Variants in CORO2B observed in about 807,000 individuals in gnomAD.
The protein encoded by CORO2B is coronin-2B.
CORO2B carries 26 observed loss-of-function variants against 58.8 expected under a neutral mutation model. The ratio of observed to expected loss-of-function variants is 0.44; its 90% CI spans 0.32 to 0.61. CORO2B has a LOEUF of 0.61. CORO2B is among the 20% of genes least tolerant of loss of function. The pLI, the probability that CORO2B is intolerant of heterozygous loss-of-function variation, is 0.04. For missense variants in CORO2B, 460 were observed against 645.1 expected (o/e 0.71, Z 3.11); for synonymous variants, 242 against 253.8 (o/e 0.95, Z 0.44).
chr15:68,599,672 C>T (rs1187352295), intron 1 of CORO2B, among the ~76,000 whole-genome samples: 3 of 152,186 alleles, frequency 2.0e-5, no homozygotes, highest in Admixed American at 2.0e-4. Flanking sequence ...GCACTCTCCA[C>T]TGCCCCTCAG....
At chr15:68,595,469 G>C (rs1899803094) in intron 1 of CORO2B, among the ~76,000 whole-genome samples, 1 of 152,240 alleles carries the variant, frequency 6.6e-6, no homozygotes, top group Non-Finnish European at 1.5e-5. Context: ...GAGCCATGCA[G>C]CAGGGCTCAG....
At chr15:68,602,902 G>A (rs967697572) in intron 1 of CORO2B, among the ~76,000 whole-genome samples, 1 of 152,220 alleles carries the variant, frequency 6.6e-6, no homozygotes, top group Non-Finnish European at 1.5e-5. Context: ...GTGTTTCCCT[G>A]GTTGGGATAT....
At chr15:68,698,676 G>A (rs1250659563) in intron 3 of CORO2B, among the ~76,000 whole-genome samples, 1 of 152,172 alleles carries the variant, frequency 6.6e-6, no homozygotes, top group Non-Finnish European at 1.5e-5. Context: ...CATCTGGGTG[G>A]CCAATGGAGT....
At chr15:68,553,259 CAT>C in the CORO2B span, among the ~76,000 whole-genome samples, 1 of 152,192 alleles carries the variant, frequency 6.6e-6, no homozygotes, top group Admixed American at 6.5e-5. Context: ...AGAACTTGCA[CAT>C]GTTACCTGAT....
intron 1 of CORO2B, among the ~76,000 whole-genome samples, chr15:68,607,570 C>T (rs1162086765): frequency 1.3e-5 from 2 of 152,146 alleles, no homozygotes; most frequent in African/African-American, 4.8e-5. Context: ...GTGATCCCAA[C>T]ACTTCAGGAG....
intron 3 of CORO2B, 24 bp downstream of exon 3, chr15:68,695,280 G>T (rs757705679): frequency 6.3e-7 from 1 of 1,584,328 alleles, no homozygotes; most frequent in African/African-American, 1.3e-5. Flanking sequence ...TGCTCCCGGA[G>T]GAGGGTGGGC....
upstream of CORO2B, among the ~76,000 whole-genome samples, chr15:68,576,238 G>A (rs79541700): frequency 1.1e-4 from 17 of 151,458 alleles, no homozygotes; most frequent in East Asian, 3.1e-3. Flanking sequence ...GCCGTGACTG[G>A]GCACAAGGGG....
chr15:68,715,668 G>A (rs1486924433), intron 8 of CORO2B, among the ~76,000 whole-genome samples: 1 of 152,164 alleles, frequency 6.6e-6, no homozygotes, highest in Non-Finnish European at 1.5e-5. Context: ...CCCTTCCTGA[G>A]CCTCTAGGAA....
chr15:68,584,166 C>T (rs1183359096), intron 1 of CORO2B, among the ~76,000 whole-genome samples: 1 of 152,242 alleles, frequency 6.6e-6, no homozygotes, highest in Non-Finnish European at 1.5e-5. Flanking sequence ...GTCCAGTGGG[C>T]ATGAGCCAGG....
At position 68,645,318 on chromosome 15, in the gene CORO2B, G is replaced by T; in HGVS notation, c.174G>T (p.Glu58Asp). 4 of 1,613,124 alleles carry T rather than the reference G, an allele frequency of 2.5e-6. No individual in the cohort carries two copies. Among genetic ancestry groups the T allele is most frequent in the Non-Finnish European group, 1.7e-6 (2 of 1,180,034 alleles). Residue 58 changes from glutamate (E) to aspartate (D), a missense_variant, in exon 2 of 12, where the codon GAG becomes GAT. Transcript: ENST00000261861. This position sits in a 1 kb window ranked among gnomAD's most constrained non-coding sequence, Gnocchi z 4.5. ...CCCGCTTCCTGGCCATCGTCACCGA[G>T]AGCGCAGGGGGCGGCTCCTTCCTCG... ...VNTRFLAIVT[E>D]SAGGGSFLVI...
At chr15:68,713,270 G>C (rs1041223039) in intron 5 of CORO2B, among the ~76,000 whole-genome samples, 41 of 152,262 alleles carry the variant, frequency 2.7e-4, no homozygotes, top group South Asian at 1.2e-3. Context: ...TATTGTTATG[G>C]GGATGAAAAG....
chr15:68,696,864 T>C (rs1002740487), intron 3 of CORO2B, among the ~76,000 whole-genome samples: 2 of 152,200 alleles, frequency 1.3e-5, no homozygotes, highest in Non-Finnish European at 2.9e-5. Context: ...CCCAGCCTTT[T>C]AGTCAGGCCA....
chr15:68,702,665 A>C (rs1434396029), intron 3 of CORO2B, among the ~76,000 whole-genome samples: 1 of 152,000 alleles, frequency 6.6e-6, no homozygotes, highest in African/African-American at 2.4e-5. Context: ...TTTTCTCTTC[A>C]CTGCAGGAGA....
At chr15:68,722,796 G>A (rs537721896) in intron 11 of CORO2B, among the ~76,000 whole-genome samples, 24 of 152,272 alleles carry the variant, frequency 1.6e-4, no homozygotes, top group Non-Finnish European at 1.6e-4. Flanking sequence ...GGCTGGGCAC[G>A]GTGGCTCACG....
chr15:68,708,946 G>A (rs1892847955), intron 3 of CORO2B, among the ~76,000 whole-genome samples: 1 of 152,212 alleles, frequency 6.6e-6, no homozygotes, highest in Admixed American at 6.5e-5. Context: ...TTCCCAAAAT[G>A]CTAGGATTGC....
At chr15:68,561,548 T>G in the CORO2B span, among the ~76,000 whole-genome samples, 7 of 152,084 alleles carry the variant, frequency 4.6e-5, no homozygotes, top group African/African-American at 1.7e-4. Flanking sequence ...CCCTCAATCT[T>G]GCTGCAGGGA....
chr15:68,686,045 T>C (rs1596013687), intron 2 of CORO2B, among the ~76,000 whole-genome samples: 1 of 149,720 alleles, frequency 6.7e-6, no homozygotes, highest in African/African-American at 2.4e-5. Context: ...TTTCTTTTTT[T>C]TTTTTTTTTG....
At chr15:68,582,753 C>T (rs936081729) in intron 1 of CORO2B, among the ~76,000 whole-genome samples, 1 of 152,174 alleles carries the variant, frequency 6.6e-6, no homozygotes, top group Non-Finnish European at 1.5e-5. Context: ...AGGGTGATTT[C>T]CTGGCTGCTG....
At chr15:68,557,795 C>A in the CORO2B span, among the ~76,000 whole-genome samples, 2 of 152,248 alleles carry the variant, frequency 1.3e-5, no homozygotes, top group Admixed American at 6.5e-5. Flanking sequence ...TTGCACCACG[C>A]TAACTGGGAC....
Sources: allele counts gnomAD v4.1 joint callset (sites outside exome capture counted in the v4.1 genomes callset), GRCh38; gene constraint gnomAD v4.1.1; non-coding constraint Gnocchi (gnomAD v3.1); transcripts MANE v1.5; gene names NCBI Gene and HGNC (gene_info 2026-07-23, HGNC 2026-07-21).